GRIK1: variants seen among roughly 807,000 people sequenced by gnomAD.
The protein encoded by GRIK1 is glutamate ionotropic receptor kainate type subunit 1.
GRIK1 carries 69 observed loss-of-function variants against 105.7 expected under a neutral mutation model. That is an observed-to-expected ratio of 0.65 (90% confidence interval 0.54 to 0.80). GRIK1 has a LOEUF of 0.80. Among genes scored for constraint, GRIK1 ranks in the 30% least tolerant of loss-of-function variants. The pLI, the probability that GRIK1 is intolerant of heterozygous loss-of-function variation, is 0.00. For missense variants in GRIK1, 1,109 were observed against 1,167.3 expected (o/e 0.95, Z 0.73); for synonymous variants, 438 against 431.3 (o/e 1.02, Z -0.19).
chr21:29,891,706 G>A (rs1349925214), intron 1 of GRIK1, among the ~76,000 whole-genome samples: 1 of 151,704 alleles, frequency 6.6e-6, no homozygotes, highest in African/African-American at 2.4e-5. Context: ...GGGAGGTTAG[G>A]TATAGGGAAA....
intron 1 of GRIK1, among the ~76,000 whole-genome samples, chr21:29,806,174 C>T (rs1475949785): frequency 6.6e-6 from 1 of 151,990 alleles, no homozygotes; most frequent in Non-Finnish European, 1.5e-5. Context: ...AATTCTGTTG[C>T]ATCAAAATTT....
At chr21:29,778,127 C>A (rs1033827998) in intron 1 of GRIK1, among the ~76,000 whole-genome samples, 1 of 152,166 alleles carries the variant, frequency 6.6e-6, no homozygotes, top group Non-Finnish European at 1.5e-5. Flanking sequence ...GCGTGCAGTT[C>A]TCCTACCTCC....
chr21:29,721,821 TA>T (rs535693732), intron 1 of GRIK1, among the ~76,000 whole-genome samples: 1 of 152,266 alleles, frequency 6.6e-6, no homozygotes, highest in Admixed American at 6.5e-5. Context: ...CCCTTCCATC[TA>T]CCCTTCAATA....
At chr21:29,676,250 G>T (rs974884865) in intron 3 of GRIK1, among the ~76,000 whole-genome samples, 6 of 152,174 alleles carry the variant, frequency 3.9e-5, no homozygotes, top group African/African-American at 1.2e-4. Context: ...GCTTCAGAAA[G>T]GGGGAGGATC....
At chr21:29,690,937 A>G (rs770620371) in intron 2 of GRIK1, among the ~76,000 whole-genome samples, 6 of 152,202 alleles carry the variant, frequency 3.9e-5, no homozygotes, top group South Asian at 2.1e-4. Context: ...TCTTTTTTTC[A>G]AGTCCTTACA....
intron 1 of GRIK1, chr21:29,760,010 T>G (rs1241974199): frequency 6.6e-6 from 1 of 152,260 alleles, no homozygotes; most frequent in Non-Finnish European, 1.5e-5. Flanking sequence ...TTATTCTGTT[T>G]CTGTTCCAGT....
At chr21:29,705,430 TC>T (rs2063886366) in intron 1 of GRIK1, among the ~76,000 whole-genome samples, 3 of 152,218 alleles carry the variant, frequency 2.0e-5, no homozygotes, top group Non-Finnish European at 2.9e-5. Flanking sequence ...TAACTCAGTA[TC>T]CCCCAAATTC....
At chr21:29,888,503 A>G (rs1185643797) in intron 1 of GRIK1, among the ~76,000 whole-genome samples, 1 of 151,694 alleles carries the variant, frequency 6.6e-6, no homozygotes, top group Admixed American at 6.6e-5. Flanking sequence ...TAGGCTCAAG[A>G]AATCCACCCA....
intron 1 of GRIK1, among the ~76,000 whole-genome samples, chr21:29,777,431 TC>T: frequency 6.6e-6 from 1 of 152,252 alleles, no homozygotes. Flanking sequence ...ATGAAGGCTT[TC>T]CAAGGATGTG....
chr21:29,847,169 C>A (rs1004237042), intron 1 of GRIK1, among the ~76,000 whole-genome samples: 1 of 152,064 alleles, frequency 6.6e-6, no homozygotes, highest in Non-Finnish European at 1.5e-5. Context: ...CTTAGCTCTC[C>A]GCTCTTTTCT....
intron 1 of GRIK1, among the ~76,000 whole-genome samples, chr21:29,883,992 G>A (rs985951363): frequency 6.6e-6 from 1 of 151,942 alleles, no homozygotes; most frequent in Non-Finnish European, 1.5e-5. Flanking sequence ...AAAAGAAGGG[G>A]GGGATGCTTT....
chr21:29,555,189 T>A lies in GRIK1; in HGVS notation c.2470A>T (p.Asn824Tyr), dbSNP rs766863714. ...ACTCCCAGGGCACTGGCTTCTTTGT[T>A]GTCTTCCTCGGGGCAGCCATTCCCA... ...WRGNGCPEEDNKEASALGVEN... is the reference protein window; with the variant it reads ...WRGNGCPEEDYKEASALGVEN... Residue 824 changes from asparagine to tyrosine, a missense_variant, in exon 16 of 18, where the codon AAC becomes TAC. By Grantham distance (143) the Asn-to-Tyr change is moderately radical (BLOSUM62 -2). This residue lies in a region of GRIK1 where 18 missense variants were observed against 42.8 expected (regional missense o/e 0.42). Transcript: ENST00000327783. The A allele has an allele frequency of 6.2e-7, 1 of 1,614,026 alleles. No homozygotes were observed. Among genetic ancestry groups the A allele is most frequent in the Non-Finnish European group, 8.5e-7 (1 of 1,179,934 alleles).
chr21:29,631,663 G>A (rs567557584), intron 7 of GRIK1, among the ~76,000 whole-genome samples: 167 of 152,236 alleles, frequency 1.1e-3, no homozygotes, highest in African/African-American at 3.9e-3. Context: ...TACCATAAGT[G>A]TAAAAGACAC....
chr21:29,608,162 T>G (rs911469996), intron 7 of GRIK1, among the ~76,000 whole-genome samples: 1 of 152,140 alleles, frequency 6.6e-6, no homozygotes, highest in African/African-American at 2.4e-5. Flanking sequence ...AGAGTCATGT[T>G]AATGAGCATT....
At chr21:29,543,587 A>G (rs2090004337) in intron 16 of GRIK1, among the ~76,000 whole-genome samples, 1 of 152,098 alleles carries the variant, frequency 6.6e-6, no homozygotes, top group Admixed American at 6.6e-5. Context: ...TCTTTTATGC[A>G]CCCATCCTTG....
intron 9 of GRIK1, chr21:29,596,171 G>C (rs550915102): frequency 2.5e-4 from 93 of 377,400 alleles, no homozygotes; most frequent in Non-Finnish European, 4.1e-4. Context: ...TCCCCCTTAA[G>C]GAAAATATTT....
chr21:29,886,018 A>G (rs767079468), intron 1 of GRIK1, among the ~76,000 whole-genome samples: 6 of 152,070 alleles, frequency 3.9e-5, no homozygotes, highest in Non-Finnish European at 8.8e-5. Context: ...AGTCCTTTTT[A>G]TGAAACACTC....
intron 1 of GRIK1, among the ~76,000 whole-genome samples, chr21:29,868,038 A>C (rs960936758): frequency 6.6e-6 from 1 of 151,774 alleles, no homozygotes; most frequent in Non-Finnish European, 1.5e-5. Flanking sequence ...GGAAGGAAGG[A>C]AGGAAGGAAG....
intron 1 of GRIK1, among the ~76,000 whole-genome samples, chr21:29,868,195 G>C (rs2068892912): frequency 6.6e-6 from 1 of 152,190 alleles, no homozygotes; most frequent in South Asian, 2.1e-4. Context: ...ATAGCTTCCA[G>C]AATTTTTCCC....
Sources: gnomAD v4.1 joint callset for allele counts (sites outside exome capture counted in the v4.1 genomes callset) on GRCh38, gnomAD v4.1.1 for gene constraint, gnomAD v4.1.1 regional missense constraint, MANE v1.5 for transcripts, NCBI Gene and HGNC (gene_info 2026-07-23, HGNC 2026-07-21) for gene names.